Variants in MAP2K5 observed in about 807,000 individuals in gnomAD.
MAP2K5 encodes mitogen-activated protein kinase kinase 5, also known as dual specificity mitogen-activated protein kinase kinase 5.
Under a neutral mutation model 83.1 loss-of-function variants are expected in MAP2K5, and 49 were observed. The observed-to-expected ratio is 0.59, with a 90% CI of 0.47 to 0.75. MAP2K5 has a LOEUF of 0.75. MAP2K5 is among the 30% of genes least tolerant of loss of function. The pLI is 0.00. For missense variants in MAP2K5, 457 were observed against 557.5 expected, an observed-to-expected ratio of 0.82 and a Z score of 1.82; for synonymous variants, 202 against 191.8, an observed-to-expected ratio of 1.05 and a Z score of -0.44.
At chr15:67,588,533 G>A (rs867304338) in intron 6 of MAP2K5, among the ~76,000 whole-genome samples, 1 of 152,222 alleles carries the variant, frequency 6.6e-6, no homozygotes, top group Non-Finnish European at 1.5e-5. Context: ...GGCAGTGACT[G>A]TAGCATATTC....
At chr15:67,687,880 G>A (rs965610464) in intron 13 of MAP2K5, among the ~76,000 whole-genome samples, 2 of 152,060 alleles carry the variant, frequency 1.3e-5, no homozygotes, top group Admixed American at 1.3e-4. Flanking sequence ...CCCTTGAAGA[G>A]GGGAGTACTG....
chr15:67,593,927 G>A (rs779035406), intron 7 of MAP2K5, among the ~76,000 whole-genome samples: 4 of 152,232 alleles, frequency 2.6e-5, no homozygotes, highest in Non-Finnish European at 2.9e-5. Context: ...AGAAGACAAA[G>A]CCAGGTCCTC....
chr15:67,659,334 A>G (rs1360611681), intron 12 of MAP2K5: 1 of 154,462 alleles, frequency 6.5e-6, no homozygotes, highest in Non-Finnish European at 1.4e-5. Context: ...AATGCAGAAC[A>G]AAGTGATTGT....
rs893107887 is a variant in MAP2K5, at chr15:67,778,945, A to G, written c.1242+6193A>G. On this transcript the variant is annotated intron_variant, in intron 21 of 21. Transcript: ENST00000178640. The surrounding 1 kb of genome is among the most constrained non-coding windows in gnomAD (Gnocchi z 5.0). Reference sequence around the variant, plus strand: ...ATTGTGAACTTGGATGTAGTTCACTACAGTTAGGTATTGCCTGTGTCATAT... The same window carrying G: ...ATTGTGAACTTGGATGTAGTTCACTGCAGTTAGGTATTGCCTGTGTCATAT... Among the ~76,000 whole-genome samples the G allele has an allele frequency of 6.6e-6, 1 of 152,200 alleles. No individual in the cohort carries two copies. The highest frequency in any genetic ancestry group is 2.4e-5 in the African/African-American group (1 of 41,458).
At chr15:67,729,936 G>A (rs1206086004) in intron 17 of MAP2K5, among the ~76,000 whole-genome samples, 2 of 152,168 alleles carry the variant, frequency 1.3e-5, no homozygotes, top group Non-Finnish European at 2.9e-5. Context: ...ATACTATGCT[G>A]AACTCCCTAG....
intron 13 of MAP2K5, among the ~76,000 whole-genome samples, chr15:67,671,687 G>A (rs1198706074): frequency 6.6e-6 from 1 of 151,764 alleles, no homozygotes; most frequent in African/African-American, 2.4e-5. Context: ...TATACTTTAA[G>A]TTTTAGGGTA....
At chr15:67,658,701 C>A (rs1236255758) in intron 12 of MAP2K5, 87 bp downstream of exon 12, 1 of 1,209,160 alleles carries the variant, frequency 8.3e-7, no homozygotes, top group Non-Finnish European at 1.2e-6. Context: ...AATGTTTTTT[C>A]TTGTTCTTCA....
intron 9 of MAP2K5, among the ~76,000 whole-genome samples, chr15:67,645,934 G>C (rs1048011917): frequency 1.3e-5 from 2 of 152,102 alleles, no homozygotes; most frequent in Non-Finnish European, 2.9e-5. Flanking sequence ...CTAAAATAGA[G>C]TGCATAAATT....
rs1173936049 is a variant in MAP2K5 at position 67,736,827 on chromosome 15, T to A, written c.1074+8882T>A. 6.6e-6 allele frequency among the ~76,000 whole-genome samples: 1 copy of A among 152,232 alleles called. No homozygotes were observed. Among genetic ancestry groups the A allele is most frequent in the Non-Finnish European group, 1.5e-5 (1 of 68,042 alleles). ...CTCCCTCTTAAGCTCTGCGGTCCAC[T>A]AGGCCTTCCACTTCTCTCCCTTTGC... On this transcript the variant is annotated intron_variant, in intron 17 of 21. Coordinates refer to ENST00000178640, the MANE Select transcript of MAP2K5 (RefSeq NM_145160.3). This position sits in a 1 kb window ranked among gnomAD's most constrained non-coding sequence, Gnocchi z 4.3.
At chr15:67,766,912 T>A (rs1216874790) in intron 19 of MAP2K5, among the ~76,000 whole-genome samples, 2 of 152,134 alleles carry the variant, frequency 1.3e-5, no homozygotes, top group African/African-American at 4.8e-5. Context: ...CTCAGAAAAT[T>A]CTCCCTTGAG....
In MAP2K5 at chr15:67,591,132, G is replaced by A. The variant is rs557696831; in HGVS notation, c.432-1794G>A. On this transcript the variant is annotated intron_variant, in intron 6 of 21. Transcript: ENST00000178640. ...GAGGCCAAGGTGGGCAGATCACGAG[G>A]TCAGGAGTTTGAGACCAGCCTGGCC... 2.4e-4 allele frequency among the ~76,000 whole-genome samples: 37 copies of A among 152,078 alleles called. 1 individual carries two copies. The South Asian group carries it at 7.5e-3, about 31-fold the overall frequency.
chr15:67,791,075 G>A (rs1476587039), intron 21 of MAP2K5, among the ~76,000 whole-genome samples: 2 of 152,170 alleles, frequency 1.3e-5, no homozygotes, highest in Non-Finnish European at 2.9e-5. Flanking sequence ...TGAGACATCC[G>A]AGCTGCAGCT....
In MAP2K5 at chr15:67,658,592, T is replaced by A; in HGVS notation, c.776T>A (p.Val259Asp). Residue 259 changes from valine (V) to aspartate (D), a missense_variant, in exon 12 of 22, where the codon GTC (valine) becomes GAC (aspartate). This residue lies in a region of MAP2K5 where 168 missense variants were observed against 263.0 expected (regional missense o/e 0.64). Transcript: ENST00000178640. The stretch of plus-strand genomic sequence containing the variant: ...GTATATAGGAAAATGCCAGAACATG[T>A]CCTTGGAAGAATTGCAGTAGCAGTA... ...LDVYRKMPEH[V>D]LGRIAVAVVK... is the part of the protein sequence containing the mutation. 1 of 1,612,216 alleles carries A rather than the reference T, an allele frequency of 6.2e-7. No homozygotes were observed. Among genetic ancestry groups the A allele is most frequent in the Non-Finnish European group, 8.5e-7 (1 of 1,178,722 alleles).
rs140101662 is a variant in MAP2K5 at position 67,638,657 on chromosome 15, C to G, written c.586-7574C>G. ...TTTGAGGAATCACTGCACTGTCTTCCACAATGGTTGAACTAATTTACACTC... is the reference window on the plus strand; with the variant it reads ...TTTGAGGAATCACTGCACTGTCTTCGACAATGGTTGAACTAATTTACACTC... On this transcript the variant is annotated intron_variant, in intron 9 of 21. Coordinates refer to ENST00000178640, the MANE Select transcript of MAP2K5 (RefSeq NM_145160.3). This position sits in a 1 kb window ranked among gnomAD's most constrained non-coding sequence, Gnocchi z 4.5. 1.2e-3 allele frequency among the ~76,000 whole-genome samples: 180 copies of G among 152,300 alleles called. 3 individuals carry two copies. The South Asian group carries it at 0.024, about 21-fold the overall frequency.
chr15:67,678,037 T>C (rs1223232667), intron 13 of MAP2K5, among the ~76,000 whole-genome samples: 1 of 152,228 alleles, frequency 6.6e-6, no homozygotes, highest in Non-Finnish European at 1.5e-5. Context: ...ATAACTTTTA[T>C]ATTGCAATGT....
intron 13 of MAP2K5, among the ~76,000 whole-genome samples, chr15:67,686,705 C>G (rs2087966225): frequency 6.6e-6 from 1 of 152,042 alleles, no homozygotes; most frequent in Non-Finnish European, 1.5e-5. Flanking sequence ...GACAAAACCA[C>G]TCAGTGATTT....
At position 67,746,087 on chromosome 15, in the gene MAP2K5, T is replaced by C. The variant is rs1193683494; in HGVS notation, c.1075-2144T>C. 6.6e-6 allele frequency among the ~76,000 whole-genome samples: 1 copy of C among 152,190 alleles called. No individual in the cohort carries two copies. Among genetic ancestry groups the C allele is most frequent in the Non-Finnish European group, 1.5e-5 (1 of 68,028 alleles). ...TTTAATGAAGAGCAAGCATAAATAG[T>C]ACAGTTTTAAGTTGACTTAGACTAA... On this transcript the variant is annotated intron_variant, in intron 17 of 21. Coordinates refer to ENST00000178640, the MANE Select transcript of MAP2K5 (RefSeq NM_145160.3). This position sits in a 1 kb window ranked among gnomAD's most constrained non-coding sequence, Gnocchi z 4.1.
chr15:67,728,778 T>C (rs2089159523), intron 17 of MAP2K5, among the ~76,000 whole-genome samples: 1 of 152,230 alleles, frequency 6.6e-6, no homozygotes. Flanking sequence ...ATAAGTGTTG[T>C]ATTACACATA....
Position 67,637,538 on chromosome 15 carries a change from T to C in MAP2K5, c.585+6611T>C, listed in dbSNP as rs1385005509. Among the ~76,000 whole-genome samples, 1 of 152,080 alleles carries C rather than the reference T, an allele frequency of 6.6e-6. No individual in the cohort carries two copies. On this transcript the variant is annotated intron_variant, in intron 9 of 21. Coordinates refer to ENST00000178640, the MANE Select transcript of MAP2K5 (RefSeq NM_145160.3). This position sits in a 1 kb window ranked among gnomAD's most constrained non-coding sequence, Gnocchi z 4.5. ...TTGCCCAGTATTAATCTGGAGATCG[T>C]TTCTTCTGAGCCTTTCTAGTGGTTC...
Sources: allele counts gnomAD v4.1 joint callset (sites outside exome capture counted in the v4.1 genomes callset), GRCh38; gene constraint gnomAD v4.1.1; regional missense constraint gnomAD v4.1.1; non-coding constraint Gnocchi (gnomAD v3.1); transcripts MANE v1.5; gene names NCBI Gene and HGNC (gene_info 2026-07-23, HGNC 2026-07-21).